The following GSG1L variants were observed in gnomAD, a reference collection of about 807,000 sequenced individuals.
GSG1L encodes the protein germ cell-specific gene 1-like protein.
Under a neutral mutation model 42.1 loss-of-function variants are expected in GSG1L, and 24 were observed. The observed-to-expected ratio is 0.57, with a 90% CI of 0.41 to 0.80. The LOEUF (loss-of-function observed/expected upper bound fraction) is 0.80, where lower values mean the gene tolerates loss of function less well. Among genes scored for constraint, GSG1L ranks in the 30% least tolerant of loss-of-function variants. The pLI is 0.00. For missense variants in GSG1L, 445 were observed against 472.2 expected (o/e 0.94, Z 0.53); for synonymous variants, 215 against 203.5 (o/e 1.06, Z -0.48).
In GSG1L at chr16:28,003,451, T is replaced by C. The variant is rs2085601261; in HGVS notation, c.350-40248A>G. On this transcript the variant is annotated intron_variant, in intron 1 of 6. Coordinates refer to ENST00000447459, the MANE Select transcript of GSG1L (RefSeq NM_001109763.2). Reference sequence around the variant, plus strand: ...TCAAACATTCCACCCCTTGTCCCTGTGACCAGCCCTACAGAAGCCAACCCA... The same window carrying C: ...TCAAACATTCCACCCCTTGTCCCTGCGACCAGCCCTACAGAAGCCAACCCA... 1.3e-5 allele frequency among the ~76,000 whole-genome samples: 2 copies of C among 152,184 alleles called. 1 individual carries two copies. Among genetic ancestry groups the C allele is most frequent in the South Asian group, 4.1e-4 (2 of 4,828 alleles).
intron 2 of GSG1L, among the ~76,000 whole-genome samples, chr16:27,951,518 G>A (rs1329905946): frequency 6.6e-6 from 1 of 152,232 alleles, no homozygotes; most frequent in Non-Finnish European, 1.5e-5. Context: ...AGGGCTTTGT[G>A]GAGGCAGGAC....
At chr16:27,810,060 G>A (rs927707276) in intron 5 of GSG1L, among the ~76,000 whole-genome samples, 3 of 152,192 alleles carry the variant, frequency 2.0e-5, no homozygotes, top group Non-Finnish European at 2.9e-5. Flanking sequence ...CATTCACCAG[G>A]AACTTCCTGA....
intron 2 of GSG1L, among the ~76,000 whole-genome samples, chr16:27,888,490 T>C (rs1276860755): frequency 0.011 from 58 of 5,124 alleles, 4 homozygotes; most frequent in African/African-American, 0.027. Flanking sequence ...TTCCTTTCTT[T>C]CTTTCTTTCT....
At chr16:27,960,041 G>A (rs559595095) in intron 2 of GSG1L, among the ~76,000 whole-genome samples, 11 of 152,168 alleles carry the variant, frequency 7.2e-5, no homozygotes, top group African/African-American at 2.4e-4. Context: ...GTGAGCAGGG[G>A]ACAAGAGGGT....
rs71140916 is a variant in GSG1L at position 27,874,441 on chromosome 16, C to CTTTTTTTTTTTTTTTTTT, written c.550+10027_550+10044dup. Among the ~76,000 whole-genome samples, 20 of 94,470 alleles carry CTTTTTTTTTTTTTTTTTT rather than the reference C, an allele frequency of 2.1e-4. 2 individuals are homozygous for CTTTTTTTTTTTTTTTTTT. Among genetic ancestry groups the CTTTTTTTTTTTTTTTTTT allele is most frequent in the African/African-American group, 5.2e-4 (14 of 26,986 alleles). 62.0% of individuals were successfully genotyped at this position (94,470 alleles called of 152,430 possible). A position where few individuals can be genotyped will look rare whatever the true frequency, so the allele number is the denominator to read the frequency against. On this transcript the variant is annotated intron_variant, in intron 3 of 6. Coordinates refer to ENST00000447459, the MANE Select transcript of GSG1L (RefSeq NM_001109763.2). ...TCTGGACACTGAAGCACAGGAGAGC[C>CTTTTTTTTTTTTTTTTTT]TTTTTTTTTTTTTTTTTTTTTTTTT...
chr16:27,901,383 A>G (rs2084255618), intron 2 of GSG1L, among the ~76,000 whole-genome samples: 1 of 152,206 alleles, frequency 6.6e-6, no homozygotes, highest in Non-Finnish European at 1.5e-5. Context: ...GGAAGATGCC[A>G]ATGGCCAGTG....
intron 6 of GSG1L, among the ~76,000 whole-genome samples, chr16:27,803,159 C>G (rs954531665): frequency 1.1e-4 from 16 of 152,156 alleles, no homozygotes; most frequent in Admixed American, 6.5e-5. Flanking sequence ...TCCTCTCCCC[C>G]GGTCCTCACT....
At chr16:27,957,622 T>C (rs941722224) in intron 2 of GSG1L, among the ~76,000 whole-genome samples, 1 of 152,190 alleles carries the variant, frequency 6.6e-6, no homozygotes, top group African/African-American at 2.4e-5. Context: ...CAAGTCACTG[T>C]TATTCAGCTA....
intron 2 of GSG1L, among the ~76,000 whole-genome samples, chr16:27,900,791 C>T (rs543137139): frequency 6.0e-5 from 9 of 149,190 alleles, no homozygotes; most frequent in Non-Finnish European, 1.2e-4. Context: ...CAAAGAAAGC[C>T]AATTATATTG....
intron 1 of GSG1L, among the ~76,000 whole-genome samples, chr16:28,010,763 A>G (rs1210448530): frequency 1.3e-5 from 2 of 152,304 alleles, no homozygotes; most frequent in Non-Finnish European, 2.9e-5. Flanking sequence ...CCTCCACCGG[A>G]AATCATTCCT....
chr16:27,805,788 G>A (rs1278305956), intron 6 of GSG1L, among the ~76,000 whole-genome samples: 4 of 129,326 alleles, frequency 3.1e-5, no homozygotes, highest in African/African-American at 1.2e-4. Flanking sequence ...GGGATTGGGG[G>A]TGGGTTGGAG....
chr16:27,901,785 T>G (rs550365686), intron 2 of GSG1L, among the ~76,000 whole-genome samples: 1 of 152,348 alleles, frequency 6.6e-6, no homozygotes, highest in South Asian at 2.1e-4. Context: ...CCCAGCTCCG[T>G]GCCTTGACAT....
At chr16:27,862,295 T>TAAG (rs1381849395) in intron 3 of GSG1L, among the ~76,000 whole-genome samples, 3 of 152,158 alleles carry the variant, frequency 2.0e-5, no homozygotes, top group Admixed American at 6.5e-5. Context: ...CTCCTTGAGC[T>TAAG]AAGGATGGTC....
At chr16:27,861,332 G>C (rs553715871) in intron 3 of GSG1L, among the ~76,000 whole-genome samples, 1 of 151,892 alleles carries the variant, frequency 6.6e-6, no homozygotes. Context: ...AGCCGAGATC[G>C]CGCCAGTGCA....
At chr16:28,060,188 G>T (rs2086324919) in intron 1 of GSG1L, among the ~76,000 whole-genome samples, 1 of 152,074 alleles carries the variant, frequency 6.6e-6, no homozygotes, top group South Asian at 2.1e-4. Context: ...GCGAGATTTT[G>T]TTCAGGGGGC....
rs185634644 is a variant in GSG1L, at chr16:27,879,264, A to G, written c.550+5222T>C. On this transcript the variant is annotated intron_variant, in intron 3 of 6. Transcript: ENST00000447459. ...ATAAATCAGTTGTCCTTTGATATCCACAGGGGATTGGTTCTAGAACTCCTC... is the reference window on the plus strand; with the variant it reads ...ATAAATCAGTTGTCCTTTGATATCCGCAGGGGATTGGTTCTAGAACTCCTC... Among the ~76,000 whole-genome samples, 111 of 152,302 alleles carry G rather than the reference A, an allele frequency of 7.3e-4. 2 individuals carry two copies. Among genetic ancestry groups the G allele is most frequent in the Admixed American group, 7.2e-3 (110 of 15,294 alleles).
At chr16:27,792,920 G>A (rs1050785858) in intron 6 of GSG1L, among the ~76,000 whole-genome samples, 3 of 152,224 alleles carry the variant, frequency 2.0e-5, no homozygotes, top group Non-Finnish European at 4.4e-5. Flanking sequence ...GTAAGGATTA[G>A]TAGATGCTTT....
rs1227923408 is a variant in GSG1L, at chr16:28,063,566, G to A, written c.-142C>T. The A allele has an allele frequency of 3.4e-6, 1 of 294,842 alleles. No individual in the cohort carries two copies. The highest frequency in any genetic ancestry group is 5.1e-6 in the Non-Finnish European group (1 of 196,240). 18.3% of individuals were successfully genotyped at this position (294,842 alleles called of 1,614,324 possible). Reference sequence around the variant, plus strand: ...AGATCGGCGGCGGCGGACGCGGCGCGGGCCCATGCCCCCCCCAACCCCGGG... The same window carrying A: ...AGATCGGCGGCGGCGGACGCGGCGCAGGCCCATGCCCCCCCCAACCCCGGG... On this transcript the variant is annotated 5_prime_UTR_variant, in exon 1 of 7. Coordinates refer to ENST00000447459, the MANE Select transcript of GSG1L (RefSeq NM_001109763.2). The surrounding 1 kb of genome is among the most constrained non-coding windows in gnomAD (Gnocchi z 5.8).
At chr16:27,990,001 A>G (rs537524426) in intron 1 of GSG1L, among the ~76,000 whole-genome samples, 1 of 152,318 alleles carries the variant, frequency 6.6e-6, no homozygotes, top group African/African-American at 2.4e-5. Flanking sequence ...CATCTTGAAT[A>G]ACAGGTTTCT....
Sources: gnomAD v4.1 joint callset for allele counts (sites outside exome capture counted in the v4.1 genomes callset) on GRCh38, gnomAD v4.1.1 for gene constraint, Gnocchi (gnomAD v3.1) non-coding constraint, MANE v1.5 for transcripts, NCBI Gene and HGNC (gene_info 2026-07-23, HGNC 2026-07-21) for gene names.